The following TRIM14 variants were observed in gnomAD, a reference collection of about 807,000 sequenced individuals.
TRIM14 encodes tripartite motif containing 14, also known as tripartite motif-containing protein 14.
Under a neutral mutation model 44.5 loss-of-function variants are expected in TRIM14, and 28 were observed. The ratio of observed to expected loss-of-function variants is 0.63; its 90% CI spans 0.47 to 0.86. The LOEUF (loss-of-function observed/expected upper bound fraction) is 0.86. Ranked by LOEUF, TRIM14 falls within the 40% of genes least tolerant of loss-of-function variation. The probability of loss-of-function intolerance (pLI) is 0.00; values close to 1 mark genes in which losing one functional copy is unlikely to be tolerated. For synonymous variants in TRIM14, 299 were observed against 269.2 expected, an observed-to-expected ratio of 1.11 and a Z score of -1.08; for missense variants, 607 against 611.1, an observed-to-expected ratio of 0.99 and a Z score of 0.07.
the TRIM14 span, among the ~76,000 whole-genome samples, chr9:98,049,895 C>T: frequency 6.6e-6 from 1 of 152,146 alleles, no homozygotes; most frequent in Admixed American, 6.6e-5. Flanking sequence ...AAAACTTCAG[C>T]TGAATTAAGT....
chr9:98,111,809 A>G (rs1034137734), intron 1 of TRIM14, among the ~76,000 whole-genome samples: 3 of 151,740 alleles, frequency 2.0e-5, no homozygotes, highest in African/African-American at 7.3e-5. Context: ...ATGGTGGCGC[A>G]TGCCTGTAAT....
chr9:98,085,937 G>A lies in TRIM14; in HGVS notation c.*1533C>T, dbSNP rs1477842992. 1.3e-5 allele frequency: 2 copies of A among 152,136 alleles called. No homozygotes were observed. The highest frequency in any genetic ancestry group is 2.1e-4 in the South Asian group (1 of 4,826). 9.4% of individuals were successfully genotyped at this position (152,136 alleles called of 1,614,324 possible). ...GAATATAACTTCAAAACCGTCTAGGGAATTGACAAAACAGGACGCAGAACC... is the reference window on the plus strand; with the variant it reads ...GAATATAACTTCAAAACCGTCTAGGAAATTGACAAAACAGGACGCAGAACC... On this transcript the variant is annotated 3_prime_UTR_variant, in exon 6 of 6. Transcript: ENST00000341469.
At chr9:98,118,105 A>T (rs568683440) in intron 1 of TRIM14, among the ~76,000 whole-genome samples, 2 of 152,274 alleles carry the variant, frequency 1.3e-5, no homozygotes, top group African/African-American at 4.8e-5. Flanking sequence ...AATTCATCAC[A>T]GAAGACTTCT....
chr9:98,057,863 G>T, the TRIM14 span, among the ~76,000 whole-genome samples: 1 of 145,684 alleles, frequency 6.9e-6, no homozygotes, highest in Non-Finnish European at 1.5e-5. Context: ...TAGAGACAGG[G>T]TCTTGCTCTG....
chr9:98,096,036 T>C (rs1826174118), intron 3 of TRIM14, among the ~76,000 whole-genome samples: 1 of 152,230 alleles, frequency 6.6e-6, no homozygotes, highest in African/African-American at 2.4e-5. Flanking sequence ...TCTGAAGCTC[T>C]GTCCTGGCCA....
intron 2 of TRIM14, among the ~76,000 whole-genome samples, chr9:98,102,703 T>C (rs926591368): frequency 6.6e-6 from 1 of 152,098 alleles, no homozygotes; most frequent in Non-Finnish European, 1.5e-5. Flanking sequence ...AGTAATTGCT[T>C]GATGGTTTCA....
chr9:98,110,149 G>A (rs182321622), intron 1 of TRIM14, 165 bp from the exon 2 acceptor site: 2 of 610,638 alleles, frequency 3.3e-6, no homozygotes, highest in Non-Finnish European at 5.9e-6. Flanking sequence ...GGATGAGCTG[G>A]GACTAGGACA....
At chr9:98,076,837 C>T (rs1458925263) in intron 6 of TRIM14, 5 of 1,164,136 alleles carry the variant, frequency 4.3e-6, no homozygotes, top group South Asian at 1.4e-5. Context: ...GGTTTTTCTA[C>T]TTGTATGTTA....
rs1417436236 is a variant in TRIM14, at chr9:98,085,570, TC to T, written c.*1899del. The T allele has an allele frequency of 6.6e-6, 1 of 152,182 alleles. No individual in the cohort carries two copies. Among genetic ancestry groups the T allele is most frequent in the African/African-American group, 2.4e-5 (1 of 41,408 alleles). The allele number at this position is 152,182 out of a possible 1,614,324, so 9.4% of individuals were successfully genotyped here. A position where few individuals can be genotyped will look rare whatever the true frequency, so the allele number is the denominator to read the frequency against. ...GAAATGTTGGGGTCAAGTGTATTCA[TC>T]TTCCCTCTGTCAGGAACACCCTCTG... On this transcript the variant is annotated 3_prime_UTR_variant, in exon 6 of 6. Transcript: ENST00000341469.
At chr9:98,077,898 A>G (rs762785002) in intron 6 of TRIM14, among the ~76,000 whole-genome samples, 5 of 152,210 alleles carry the variant, frequency 3.3e-5, no homozygotes, top group Non-Finnish European at 7.3e-5. Flanking sequence ...TATACAACCT[A>G]TTAATCAGAT....
chr9:98,098,829 G>A (rs944776436), intron 3 of TRIM14, among the ~76,000 whole-genome samples: 4 of 152,060 alleles, frequency 2.6e-5, no homozygotes, highest in Non-Finnish European at 4.4e-5. Context: ...TCTGTTACCC[G>A]GCCTGGAGTG....
intron 1 of TRIM14, among the ~76,000 whole-genome samples, chr9:98,112,797 CAA>C (rs34150823): frequency 0.02 from 1,353 of 68,380 alleles, 11 homozygotes; most frequent in African/African-American, 0.04. Flanking sequence ...GACTCAATCT[CAA>C]AAAAAAAAAA....
rs2118743625 is a variant in TRIM14, at chr9:98,118,963, C to CCGTCCCCAT, written c.207+10_207+18dup. On this transcript the variant is annotated intron_variant, in intron 1 of 5. Transcript: ENST00000341469. ...TCCCCCAACTCCCGCGCGGCGAACCCCGTCCCCATCGTCCCCACCTGCACG... is the reference window on the plus strand; with the variant it reads ...TCCCCCAACTCCCGCGCGGCGAACCCCGTCCCCATCGTCCCCATCGTCCCCACCTGCACG... 2.7e-6 allele frequency: 4 copies of CCGTCCCCAT among 1,507,954 alleles called. No homozygotes were observed. The South Asian group carries it at 3.7e-5, about 14-fold the overall frequency. 93.4% of individuals were successfully genotyped at this position (1,507,954 alleles called of 1,614,324 possible).
At chr9:98,039,141 A>G in the TRIM14 span, among the ~76,000 whole-genome samples, 5 of 151,964 alleles carry the variant, frequency 3.3e-5, no homozygotes, top group East Asian at 9.7e-4. Flanking sequence ...ACCTGCTTCA[A>G]CCTTCCTCCC....
the TRIM14 span, chr9:98,060,998 G>C: frequency 6.2e-7 from 1 of 1,613,330 alleles, no homozygotes; most frequent in Non-Finnish European, 8.5e-7. Context: ...CATGGATGAG[G>C]TGAGTCCTCT....
the TRIM14 span, among the ~76,000 whole-genome samples, chr9:98,061,480 T>TAAAAAA: frequency 1.0e-5 from 1 of 99,972 alleles, no homozygotes; most frequent in African/African-American, 4.1e-5. Context: ...CCATCTCAAA[T>TAAAAAA]TAAAAAAAAA....
At chr9:98,108,923 G>C (rs991240423) in intron 2 of TRIM14, among the ~76,000 whole-genome samples, 1 of 148,128 alleles carries the variant, frequency 6.8e-6, no homozygotes, top group Non-Finnish European at 1.5e-5. Context: ...TGTTGCCCAG[G>C]CTGGAGCACA....
intron 1 of TRIM14, among the ~76,000 whole-genome samples, chr9:98,114,874 C>T (rs1349702825): frequency 2.6e-5 from 4 of 152,094 alleles, no homozygotes; most frequent in Non-Finnish European, 4.4e-5. Flanking sequence ...TGGGACTAAA[C>T]TGATAGAGGA....
the TRIM14 span, among the ~76,000 whole-genome samples, chr9:98,044,419 G>T: frequency 6.7e-6 from 1 of 148,730 alleles, no homozygotes; most frequent in African/African-American, 2.5e-5. Flanking sequence ...CTGTCACCAG[G>T]CTGGAGTGCA....
Sources: allele counts gnomAD v4.1 joint callset (sites outside exome capture counted in the v4.1 genomes callset), GRCh38; gene constraint gnomAD v4.1.1; transcripts MANE v1.5; gene names NCBI Gene and HGNC (gene_info 2026-07-23, HGNC 2026-07-21).